ZNRF1: variants seen among roughly 807,000 people sequenced by gnomAD.
ZNRF1 encodes E3 ubiquitin-protein ligase ZNRF1.
ZNRF1 carries 3 observed loss-of-function variants against 18.4 expected under a neutral mutation model. That is an observed-to-expected ratio of 0.16 (90% CI 0.07 to 0.42). The LOEUF (loss-of-function observed/expected upper bound fraction) is 0.42, where lower values mean the gene tolerates loss of function less well. Ranked by LOEUF, ZNRF1 falls within the 10% of genes least tolerant of loss-of-function variation. ZNRF1 has a pLI of 0.99. For synonymous variants in ZNRF1, 157 were observed against 144.2 expected (o/e 1.09, Z -0.64); for missense variants, 310 against 329.8 (o/e 0.94, Z 0.47).
Position 75,108,997 on chromosome 16 carries a change from A to C in ZNRF1, c.*1297A>C, listed in dbSNP as rs2036349139. ...AGATCTGCAGGGGCCAAGATGTTGC[A>C]GCCACCGGAGGCTGCAAGGATGTGG... On this transcript the variant is annotated 3_prime_UTR_variant, in exon 5 of 5. Transcript: ENST00000335325. 1 of 157,080 alleles carries C rather than the reference A, an allele frequency of 6.4e-6. No individual in the cohort carries two copies. 9.7% of individuals were successfully genotyped at this position (157,080 alleles called of 1,614,324 possible).
At chr16:75,047,626 A>T (rs1009263091) in intron 1 of ZNRF1, among the ~76,000 whole-genome samples, 13 of 97,126 alleles carry the variant, frequency 1.3e-4, no homozygotes, top group African/African-American at 4.9e-4. Flanking sequence ...GCGTCTAGCA[A>T]CTTTGCTGAA....
chr16:75,097,328 G>A (rs149856615), intron 2 of ZNRF1, among the ~76,000 whole-genome samples: 1 of 152,146 alleles, frequency 6.6e-6, no homozygotes, highest in East Asian at 1.9e-4. Context: ...GGAAGCTTAG[G>A]GGTCCTCAGC....
rs960156768 is a variant in ZNRF1, at chr16:75,108,618, A to G, written c.*918A>G. On this transcript the variant is annotated 3_prime_UTR_variant, in exon 5 of 5. Transcript: ENST00000335325. ...TATTAAAATACAAAAAAAAACTTAT[A>G]AAATGTTTAAAAAAATGTTCAAAGC... The G allele has an allele frequency of 1.3e-5, 5 of 398,814 alleles. No homozygotes were observed. Among genetic ancestry groups the G allele is most frequent in the African/African-American group, 8.2e-5 (4 of 48,644 alleles). The allele number at this position is 398,814 out of a possible 1,614,324, so 24.7% of individuals were successfully genotyped here. A position where few individuals can be genotyped will look rare whatever the true frequency, so the allele number is the denominator to read the frequency against.
intron 3 of ZNRF1, chr16:75,105,443 C>T (rs12445622): frequency 0.068 from 10,505 of 153,408 alleles, 578 homozygotes; most frequent in Admixed American, 0.17. Context: ...GTCCTTGTTT[C>T]CAGCTGGAAG....
chr16:75,028,245 T>C (rs1597866572), intron 1 of ZNRF1, among the ~76,000 whole-genome samples: 1 of 152,210 alleles, frequency 6.6e-6, no homozygotes, highest in Admixed American at 6.5e-5. Flanking sequence ...AATTAACTTA[T>C]CATGATTCTA....
intron 1 of ZNRF1, among the ~76,000 whole-genome samples, chr16:75,058,162 G>A (rs1479456059): frequency 6.7e-6 from 1 of 149,588 alleles, no homozygotes; most frequent in Non-Finnish European, 1.5e-5. Context: ...AGACGGGGGG[G>A]TGGTCTCACT....
chr16:75,065,690 C>T (rs1028546724), intron 1 of ZNRF1, among the ~76,000 whole-genome samples: 1 of 152,200 alleles, frequency 6.6e-6, no homozygotes, highest in African/African-American at 2.4e-5. Context: ...TATGCTTATG[C>T]AAGCATGAAT....
At chr16:75,098,329 C>T (rs2036222346) in intron 2 of ZNRF1, among the ~76,000 whole-genome samples, 1 of 152,208 alleles carries the variant, frequency 6.6e-6, no homozygotes, top group Non-Finnish European at 1.5e-5. Flanking sequence ...GCTGTAGTGG[C>T]CTCAGTAGGA....
chr16:75,038,659 G>C (rs2035403645), intron 1 of ZNRF1, among the ~76,000 whole-genome samples: 1 of 152,294 alleles, frequency 6.6e-6, no homozygotes, highest in Middle Eastern at 3.4e-3. Context: ...GAGCCCCACT[G>C]TAAGCCAGTT....
At chr16:75,024,810 G>C (rs945152506) in intron 1 of ZNRF1, among the ~76,000 whole-genome samples, 1 of 152,160 alleles carries the variant, frequency 6.6e-6, no homozygotes, top group Non-Finnish European at 1.5e-5. Context: ...AGTTCTTCCT[G>C]CTTCTTTCGT....
rs141107494 is a variant in ZNRF1, at chr16:75,049,894, A to G, written c.425-43678A>G. On this transcript the variant is annotated intron_variant, in intron 1 of 4. Transcript: ENST00000335325. ...GTGGTTTAGTGCAGTTTCATCATAC[A>G]TATGGGTTTATGTATCCAACATCAC... 5.5e-3 allele frequency among the ~76,000 whole-genome samples: 809 copies of G among 145,856 alleles called. 2 individuals are homozygous for G. Among genetic ancestry groups the G allele is most frequent in the African/African-American group, 0.02 (771 of 38,306 alleles).
chr16:75,063,627 C>T (rs538653384), intron 1 of ZNRF1, among the ~76,000 whole-genome samples: 7 of 152,244 alleles, frequency 4.6e-5, no homozygotes, highest in East Asian at 1.9e-4. Context: ...GAAGACACTG[C>T]GGGTAGTTTC....
chr16:75,043,892 C>T (rs1202889867), intron 1 of ZNRF1, among the ~76,000 whole-genome samples: 2 of 151,080 alleles, frequency 1.3e-5, no homozygotes, highest in Non-Finnish European at 2.9e-5. Context: ...CTGGTTCAAG[C>T]CATTCTCCTG....
chr16:75,071,728 T>G (rs2035873013), intron 1 of ZNRF1, among the ~76,000 whole-genome samples: 1 of 152,090 alleles, frequency 6.6e-6, no homozygotes, highest in Admixed American at 6.6e-5. Context: ...CTGGGGCTGT[T>G]TGGGGAAAAT....
At chr16:75,081,771 C>G (rs2061423327) in intron 1 of ZNRF1, among the ~76,000 whole-genome samples, 1 of 152,180 alleles carries the variant, frequency 6.6e-6, no homozygotes, top group South Asian at 2.1e-4. Context: ...TGTCTAAGAA[C>G]TAGAAGAAAT....
chr16:75,084,477 T>C, intron 1 of ZNRF1: 1 of 152,118 alleles, frequency 6.6e-6, no homozygotes, highest in East Asian at 1.9e-4. Flanking sequence ...GAACAAATTA[T>C]TAAGGAAAAG....
At chr16:75,074,603 C>T (rs1329247239) in intron 1 of ZNRF1, among the ~76,000 whole-genome samples, 5 of 152,160 alleles carry the variant, frequency 3.3e-5, no homozygotes, top group Admixed American at 6.5e-5. Flanking sequence ...CTATTAATTA[C>T]ACCAAGACGA....
chr16:75,034,887 A>G (rs1283548326), intron 1 of ZNRF1, among the ~76,000 whole-genome samples: 1 of 152,076 alleles, frequency 6.6e-6, no homozygotes, highest in Non-Finnish European at 1.5e-5. Flanking sequence ...TCAGCCTCCC[A>G]GAGTGCTTGG....
At position 75,104,803 on chromosome 16, in the gene ZNRF1, C is replaced by T. The variant is rs770788619; in HGVS notation, c.540C>T (p.Asp180=). The change falls in exon 3 of 5, where the codon GAC becomes GAT. Residue 180 remains aspartate (D), a synonymous_variant. Coordinates refer to ENST00000335325, the MANE Select transcript of ZNRF1 (RefSeq NM_032268.5). ...TTGCAGATGATGTGCTGACTAAAGA[C>T]GCGGGTGAGTGTGTGATCTGCCTGG... ...LSYNDDVLTK[D]AGECVICLEE... 14 of 1,608,704 alleles carry T rather than the reference C, an allele frequency of 8.7e-6. No homozygotes were observed. In the African/African-American group the frequency reaches 9.3e-5, roughly 11 times the overall value.
Sources: allele counts gnomAD v4.1 joint callset (sites outside exome capture counted in the v4.1 genomes callset), GRCh38; gene constraint gnomAD v4.1.1; transcripts MANE v1.5; gene names NCBI Gene and HGNC (gene_info 2026-07-23, HGNC 2026-07-21).